The following PPFIBP1 variants were observed in gnomAD, a reference collection of about 807,000 sequenced individuals.
The protein encoded by PPFIBP1 is PPFIB scaffold protein 1.
A neutral mutation model predicts 137.8 loss-of-function variants in PPFIBP1; 112 were observed. The ratio of observed to expected loss-of-function variants is 0.81; its 90% CI spans 0.70 to 0.95. The LOEUF (loss-of-function observed/expected upper bound fraction) is 0.95, where lower values mean the gene tolerates loss of function less well. Ranked by LOEUF, PPFIBP1 falls within the 40% of genes least tolerant of loss-of-function variation. PPFIBP1 has a pLI of 0.00. For missense variants in PPFIBP1, 1,083 were observed against 1,196.6 expected (o/e 0.91, Z 1.40); for synonymous variants, 378 against 417.3 (o/e 0.91, Z 1.15).
chr12:27,618,361 C>A (rs1238534605), intron 2 of PPFIBP1, among the ~76,000 whole-genome samples: 1 of 152,136 alleles, frequency 6.6e-6, no homozygotes, highest in East Asian at 1.9e-4. Flanking sequence ...ATTCCCTCTT[C>A]CTTTTTGGAA....
At chr12:27,626,512 G>C (rs2056830111) in intron 2 of PPFIBP1, among the ~76,000 whole-genome samples, 1 of 152,112 alleles carries the variant, frequency 6.6e-6, no homozygotes, top group Non-Finnish European at 1.5e-5. Context: ...ACCGATTGCT[G>C]GGCCTGCCTC....
At chr12:27,688,482 G>T (rs1466942887) in intron 26 of PPFIBP1, 59 bp downstream of exon 26, 3 of 1,574,120 alleles carry the variant, frequency 1.9e-6, no homozygotes, top group Non-Finnish European at 2.6e-6. Context: ...CTAGTCAGTA[G>T]GATATTATCA....
intron 3 of PPFIBP1, among the ~76,000 whole-genome samples, chr12:27,634,139 CTTTTTTTTTT>C (rs375816732): frequency 2.7e-5 from 3 of 111,638 alleles, no homozygotes; most frequent in Admixed American, 2.0e-4. Context: ...CCGGCCATAT[CTTTTTTTTTT>C]TTTTTTTTTT....
rs769993899 is a variant in PPFIBP1, at chr12:27,593,335, C to T, written c.-36+15096C>T. The T allele has an allele frequency of 1.4e-3, 580 of 400,496 alleles. 3 individuals carry two copies. The highest frequency in any genetic ancestry group is 9.3e-4 in the Non-Finnish European group (191 of 205,118). The allele number at this position is 400,496 out of a possible 1,614,324, so 24.8% of individuals were successfully genotyped here. Reference sequence around the variant, plus strand: ...CCCTTGGGACCTGCTTCCTAGTGGTCGTAAGATTCTGTGGTTCAACCCAGG... The same window carrying T: ...CCCTTGGGACCTGCTTCCTAGTGGTTGTAAGATTCTGTGGTTCAACCCAGG... On this transcript the variant is annotated intron_variant, in intron 2 of 29. Coordinates refer to ENST00000228425, the MANE Select transcript of PPFIBP1 (RefSeq NM_003622.4).
At chr12:27,584,593 G>A (rs7316512) in intron 2 of PPFIBP1, among the ~76,000 whole-genome samples, 17,306 of 152,176 alleles carry the variant, frequency 0.11, 1,476 homozygotes, top group East Asian at 0.41. Flanking sequence ...TATTGTGGCC[G>A]GAAACTTTCC....
At chr12:27,610,214 T>C (rs1189111140) in intron 2 of PPFIBP1, among the ~76,000 whole-genome samples, 1 of 152,222 alleles carries the variant, frequency 6.6e-6, no homozygotes, top group Non-Finnish European at 1.5e-5. Context: ...ATGGACAACT[T>C]CTGGAACTCC....
chr12:27,600,975 T>C (rs574623786), intron 2 of PPFIBP1, among the ~76,000 whole-genome samples: 2 of 152,312 alleles, frequency 1.3e-5, no homozygotes, highest in South Asian at 4.1e-4. Flanking sequence ...TGGTGAGAAC[T>C]TTTAAAATCA....
At chr12:27,651,314 C>T (rs535631147) in intron 7 of PPFIBP1, among the ~76,000 whole-genome samples, 4 of 151,156 alleles carry the variant, frequency 2.6e-5, no homozygotes, top group Admixed American at 6.6e-5. Context: ...ACTGTGTTGC[C>T]CAGGCTAGTA....
rs1430634036 is a variant in PPFIBP1, at chr12:27,694,327, A to C, written c.*1445A>C. On this transcript the variant is annotated 3_prime_UTR_variant, in exon 30 of 30. Coordinates refer to ENST00000228425, the MANE Select transcript of PPFIBP1 (RefSeq NM_003622.4). Reference sequence around the variant, plus strand: ...CTCTGCCTGGCCTACCACTAACTTGAATACATTCAGAATCACCTCCTCTCC... The same window carrying C: ...CTCTGCCTGGCCTACCACTAACTTGCATACATTCAGAATCACCTCCTCTCC... The C allele has an allele frequency of 6.6e-6, 1 of 152,198 alleles. No individual in the cohort carries two copies. Among genetic ancestry groups the C allele is most frequent in the Non-Finnish European group, 1.5e-5 (1 of 68,056 alleles). The allele number at this position is 152,198 out of a possible 1,614,324, so 9.4% of individuals were successfully genotyped here. A position where few individuals can be genotyped will look rare whatever the true frequency, so the allele number is the denominator to read the frequency against.
At chr12:27,680,206 G>T in intron 21 of PPFIBP1, 145 bp downstream of exon 21, 2 of 1,177,248 alleles carry the variant, frequency 1.7e-6, no homozygotes, top group South Asian at 3.4e-5. Flanking sequence ...CTTTAGAGCC[G>T]TGCAATTTGT....
chr12:27,532,339 T>A (rs1244939135), intron 1 of PPFIBP1, among the ~76,000 whole-genome samples: 1 of 152,164 alleles, frequency 6.6e-6, no homozygotes, highest in Non-Finnish European at 1.5e-5. Context: ...TGTACAGATG[T>A]CTATTATATA....
intron 1 of PPFIBP1, chr12:27,537,992 G>C (rs1386650341): frequency 1.3e-5 from 2 of 152,088 alleles, no homozygotes; most frequent in African/African-American, 2.4e-5. Context: ...AGCAGCCTTT[G>C]GTTGCTTTTT....
At chr12:27,679,150 G>GA (rs1240475975) in intron 19 of PPFIBP1, among the ~76,000 whole-genome samples, 3 of 152,094 alleles carry the variant, frequency 2.0e-5, no homozygotes, top group Admixed American at 2.0e-4. Flanking sequence ...AAAAGGAGAT[G>GA]ATTTTGAAGG....
At chr12:27,647,248 G>T (rs543142751) in intron 5 of PPFIBP1, among the ~76,000 whole-genome samples, 1 of 152,076 alleles carries the variant, frequency 6.6e-6, no homozygotes, top group Non-Finnish European at 1.5e-5. Context: ...TGATCTGCCC[G>T]CCTCAGCCTC....
At position 27,676,439 on chromosome 12, in the gene PPFIBP1, G is replaced by T; in HGVS notation, c.1422G>T (p.Pro474=). Residue 474 remains proline (P), a synonymous_variant, in exon 18 of 30, where the codon CCG becomes CCT. Coordinates refer to ENST00000228425, the MANE Select transcript of PPFIBP1 (RefSeq NM_003622.4). ...TIQKTSEDRA[P]AESRPFGTLP... ...TATTTGCCTCTCAGGACAGAGCTCC[G>T]GCAGAAAGCAGGCCATTTGGGACCC... 6.5e-7 allele frequency: 1 copy of T among 1,535,878 alleles called. No homozygotes were observed. Among genetic ancestry groups the T allele is most frequent in the South Asian group, 1.3e-5 (1 of 79,924 alleles).
chr12:27,594,114 T>G, intron 2 of PPFIBP1: 1 of 858,070 alleles, frequency 1.2e-6, no homozygotes, highest in South Asian at 5.8e-5. Context: ...AAAAAGTAGG[T>G]GGGACCGGGG....
At position 27,594,607 on chromosome 12, in the gene PPFIBP1, C is replaced by T. The variant is rs149917803; in HGVS notation, c.-36+16368C>T. ...ACTTACTTCATTGTGTTATAATCCT[C>T]TCTACTAAGCATCTCCACCTCTCAT... On this transcript the variant is annotated intron_variant, in intron 2 of 29. Coordinates refer to ENST00000228425, the MANE Select transcript of PPFIBP1 (RefSeq NM_003622.4). Among the ~76,000 whole-genome samples the T allele has an allele frequency of 3.2e-3, 492 of 152,296 alleles. 2 individuals are homozygous for T. The highest frequency in any genetic ancestry group is 4.6e-3 in the Non-Finnish European group (316 of 68,020).
intron 1 of PPFIBP1, among the ~76,000 whole-genome samples, chr12:27,534,516 T>G (rs1213050571): frequency 2.0e-5 from 3 of 151,740 alleles, no homozygotes; most frequent in African/African-American, 7.3e-5. Context: ...CCAGAATGTG[T>G]CTCGAGGCAG....
At chr12:27,599,615 A>T (rs1334643963) in intron 2 of PPFIBP1, 5 of 381,142 alleles carry the variant, frequency 1.3e-5, no homozygotes, top group Non-Finnish European at 2.6e-5. Flanking sequence ...ATCTCTACAG[A>T]ACCTAGACTA....
Sources: gnomAD v4.1 joint callset for allele counts (sites outside exome capture counted in the v4.1 genomes callset) on GRCh38, gnomAD v4.1.1 for gene constraint, MANE v1.5 for transcripts, NCBI Gene and HGNC (gene_info 2026-07-23, HGNC 2026-07-21) for gene names.